C17orf113: variants seen among roughly 807,000 people sequenced by gnomAD.
The protein encoded by C17orf113 is uncharacterized protein C17orf113.
Under a neutral mutation model 11.6 loss-of-function variants are expected in C17orf113, and 5 were observed. That is an observed-to-expected ratio of 0.43 (90% confidence interval 0.23 to 0.91). The LOEUF (loss-of-function observed/expected upper bound fraction) is 0.91. Among genes scored for constraint, C17orf113 ranks in the 40% least tolerant of loss-of-function variants. The pLI is 0.26. For synonymous variants in C17orf113, 327 were observed against 390.6 expected (o/e 0.84, Z 1.92); for missense variants, 714 against 841.3 (o/e 0.85, Z 1.87).
rs1277398477 is a variant in C17orf113, at chr17:42,041,162, C to G, written c.571G>C (p.Glu191Gln). 8.9e-6 allele frequency: 11 copies of G among 1,232,334 alleles called. No homozygotes were observed. In the South Asian group the frequency reaches 3.7e-4, roughly 41 times the overall value. 76.3% of individuals were successfully genotyped at this position (1,232,334 alleles called of 1,614,324 possible). A position where few individuals can be genotyped will look rare whatever the true frequency, so the allele number is the denominator to read the frequency against. ...GATGCCTTCAGGCGCTGGCAGGCCT[C>G]TGTGTGCAAGACACTGGCAATGGCC... ...QVAIASVLHTEACQRLKASPY... is the reference protein window; with the variant it reads ...QVAIASVLHTQACQRLKASPY... Residue 191 changes from glutamate (E) to glutamine (Q), a missense_variant, in exon 3 of 3, where the codon GAG (glutamate) becomes CAG (glutamine). Around this residue, in one of 3 missense-constraint regions of C17orf113, gnomAD observed 516 missense variants for 626.6 expected, o/e 0.82. Coordinates refer to ENST00000587304, the MANE Select transcript of C17orf113 (RefSeq NM_001358661.2).
chr17:42,042,421 C>A (rs966811851), intron 2 of C17orf113, among the ~76,000 whole-genome samples: 1 of 151,908 alleles, frequency 6.6e-6, no homozygotes, highest in Non-Finnish European at 1.5e-5. Context: ...AATAGGGAGG[C>A]TGAGGCAGGA....
Position 42,043,091 on chromosome 17 carries a change from GC to G in C17orf113, c.285del (p.Gln95HisfsTer30), listed in dbSNP as rs2053064854. ...HRQALAVNQG[Q>X]PPFEGQAEGG... is the part of the protein sequence containing the mutation. Reference sequence around the variant, plus strand: ...CCTTCAGCCTGGCCCTCAAAAGGGGGCTGGCCCTGGTTGACAGCCAGAGCCT... The same window carrying G: ...CCTTCAGCCTGGCCCTCAAAAGGGGGTGGCCCTGGTTGACAGCCAGAGCCT... On this transcript the variant is annotated frameshift_variant, in exon 2 of 3. Transcript: ENST00000587304. LOFTEE classifies it high-confidence loss of function. 6 of 1,232,136 alleles carry G rather than the reference GC, an allele frequency of 4.9e-6. No individual in the cohort carries two copies. The highest frequency in any genetic ancestry group is 6.1e-6 in the Non-Finnish European group (6 of 988,020). The allele number at this position is 1,232,136 out of a possible 1,614,324, so 76.3% of individuals were successfully genotyped here.
At chr17:42,048,470 G>A (rs535276632) in intron 1 of C17orf113, among the ~76,000 whole-genome samples, 78 of 151,894 alleles carry the variant, frequency 5.1e-4, no homozygotes, top group African/African-American at 1.7e-3. Flanking sequence ...ACTTGAGCCC[G>A]AGTTTGAGAC....
rs2052981145 is a variant in C17orf113, at chr17:42,040,207, G to A, written c.1526C>T (p.Pro509Leu). 6.5e-6 allele frequency: 8 copies of A among 1,231,624 alleles called. No homozygotes were observed. The highest frequency in any genetic ancestry group is 8.1e-6 in the Non-Finnish European group (8 of 987,858). The allele number at this position is 1,231,624 out of a possible 1,614,324, so 76.3% of individuals were successfully genotyped here. ...RKGLQDSYPG[P>L]SLDAVAAFAA... ...GAAGGCGGCCACGGCGTCCAGCGAA[G>A]GCCCGGGGTAGGAGTCCTGTAGGCC... Residue 509 changes from proline to leucine, a missense_variant, in exon 3 of 3, where the codon CCT becomes CTT. Pro to Leu is a moderately conservative substitution (Grantham distance 98). Around this residue, in one of 3 missense-constraint regions of C17orf113, gnomAD observed 516 missense variants for 626.6 expected, o/e 0.82. Coordinates refer to ENST00000587304, the MANE Select transcript of C17orf113 (RefSeq NM_001358661.2).
rs1440122988 is a variant in C17orf113, at chr17:42,043,473, G to A, written c.-97C>T. 9.0e-7 allele frequency: 1 copy of A among 1,117,128 alleles called. No homozygotes were observed. The highest frequency in any genetic ancestry group is 1.1e-6 in the Non-Finnish European group (1 of 884,010). 69.2% of individuals were successfully genotyped at this position (1,117,128 alleles called of 1,614,324 possible). A position where few individuals can be genotyped will look rare whatever the true frequency, so the allele number is the denominator to read the frequency against. ...GGCACCTCCCTTGACAAGGAGAGTTGATGGGGAGGCAGGCTGGGGGCAGCC... is the reference window on the plus strand; with the variant it reads ...GGCACCTCCCTTGACAAGGAGAGTTAATGGGGAGGCAGGCTGGGGGCAGCC... On this transcript the variant is annotated 5_prime_UTR_variant, in exon 2 of 3. Coordinates refer to ENST00000587304, the MANE Select transcript of C17orf113 (RefSeq NM_001358661.2).
intron 2 of C17orf113, among the ~76,000 whole-genome samples, chr17:42,041,445 C>T (rs540944719): frequency 2.6e-5 from 4 of 152,342 alleles, no homozygotes; most frequent in East Asian, 1.9e-4. Flanking sequence ...CCACCACACC[C>T]GGTCTAGTTT....
At chr17:42,041,225 G>A (rs1401647936) in intron 2 of C17orf113, 36 bp from the exon 3 acceptor site, 3 of 1,232,136 alleles carry the variant, frequency 2.4e-6, no homozygotes, top group African/African-American at 1.5e-5. Flanking sequence ...AGGGAGGACT[G>A]AGTTAGGCTT....
chr17:42,042,788 T>C lies in C17orf113; in HGVS notation c.543+46A>G, dbSNP rs1401123543. Reference sequence around the variant, plus strand: ...GGGGCTGTTCCCAGGTGGCTCAGTGTCCTCCCTTCCCAAGCCCTTCCCCCA... The same window carrying C: ...GGGGCTGTTCCCAGGTGGCTCAGTGCCCTCCCTTCCCAAGCCCTTCCCCCA... On this transcript the variant is annotated intron_variant, in intron 2 of 2. Coordinates refer to ENST00000587304, the MANE Select transcript of C17orf113 (RefSeq NM_001358661.2). 4.9e-6 allele frequency: 6 copies of C among 1,225,720 alleles called. No homozygotes were observed. The Admixed American group carries it at 1.3e-4, about 26-fold the overall frequency. 75.9% of individuals were successfully genotyped at this position (1,225,720 alleles called of 1,614,324 possible).
At chr17:42,046,863 CTTT>C (rs782334593) in intron 1 of C17orf113, among the ~76,000 whole-genome samples, 4 of 140,650 alleles carry the variant, frequency 2.8e-5, no homozygotes, top group Non-Finnish European at 1.6e-5. Flanking sequence ...ATTTTTTTTC[CTTT>C]TTTTTTTTTT....
chr17:42,038,425 G>A lies in C17orf113; in HGVS notation c.*1280C>T. The A allele has an allele frequency of 4.5e-6, 1 of 222,508 alleles. No individual in the cohort carries two copies. The allele number at this position is 222,508 out of a possible 1,614,324, so 13.8% of individuals were successfully genotyped here. Reference sequence around the variant, plus strand: ...GGGATGTGCTCCCCAGCTCTGATGAGGCCTAAACTGCTTCCCCCAGGAGGT... The same window carrying A: ...GGGATGTGCTCCCCAGCTCTGATGAAGCCTAAACTGCTTCCCCCAGGAGGT... On this transcript the variant is annotated 3_prime_UTR_variant, in exon 3 of 3. Coordinates refer to ENST00000587304, the MANE Select transcript of C17orf113 (RefSeq NM_001358661.2).
chr17:42,048,096 C>T (rs949346265), intron 1 of C17orf113, among the ~76,000 whole-genome samples: 2 of 152,114 alleles, frequency 1.3e-5, no homozygotes, highest in African/African-American at 2.4e-5. Context: ...TCTCCTCCCC[C>T]CCTTCCCAAC....
At chr17:42,043,947 G>A (rs1382989179) in intron 1 of C17orf113, among the ~76,000 whole-genome samples, 1 of 151,880 alleles carries the variant, frequency 6.6e-6, no homozygotes, top group African/African-American at 2.4e-5. Flanking sequence ...AGTGAACCAG[G>A]ACTAAAACTC....
chr17:42,038,533 G>A lies in C17orf113; in HGVS notation c.*1172C>T, dbSNP rs1403917932. Reference sequence around the variant, plus strand: ...CAGCACTGTGGTTTTGCAGTCTTTGGTCTTAAAGGTCTGAGGCAAGGGCAG... The same window carrying A: ...CAGCACTGTGGTTTTGCAGTCTTTGATCTTAAAGGTCTGAGGCAAGGGCAG... On this transcript the variant is annotated 3_prime_UTR_variant, in exon 3 of 3. Coordinates refer to ENST00000587304, the MANE Select transcript of C17orf113 (RefSeq NM_001358661.2). The A allele has an allele frequency of 6.5e-6, 1 of 153,522 alleles. No individual in the cohort carries two copies. The highest frequency in any genetic ancestry group is 1.4e-5 in the Non-Finnish European group (1 of 69,088). The allele number at this position is 153,522 out of a possible 1,614,324, so 9.5% of individuals were successfully genotyped here.
Position 42,041,065 on chromosome 17 carries a change from G to A in C17orf113, c.668C>T (p.Thr223Ile). The A allele has an allele frequency of 8.1e-7, 1 of 1,232,344 alleles. No individual in the cohort carries two copies. Among genetic ancestry groups the A allele is most frequent in the South Asian group, 4.1e-5 (1 of 24,324 alleles). 76.3% of individuals were successfully genotyped at this position (1,232,344 alleles called of 1,614,324 possible). A position where few individuals can be genotyped will look rare whatever the true frequency, so the allele number is the denominator to read the frequency against. Residue 223 changes from threonine (T) to isoleucine (I), a missense_variant, in exon 3 of 3, where the codon ACT (threonine) becomes ATT (isoleucine). Coordinates refer to ENST00000587304, the MANE Select transcript of C17orf113 (RefSeq NM_001358661.2). ...CTGGCCATCACAGGGGGACACTGAA[G>A]TGGCAAACAGGGCCAGGCTGTGTGA... is the stretch of plus-strand genomic sequence containing the variant. ...PESHSLALFA[T>I]SVSPCDGQPA...
At position 42,050,422 on chromosome 17, in the gene C17orf113, C is replaced by G. The variant is rs1390946976; in HGVS notation, c.-188+135G>C. On this transcript the variant is annotated intron_variant, in intron 1 of 2. Coordinates refer to ENST00000587304, the MANE Select transcript of C17orf113 (RefSeq NM_001358661.2). The surrounding 1 kb of genome is among the most constrained non-coding windows in gnomAD (Gnocchi z 5.6). The stretch of plus-strand genomic sequence containing the variant: ...GGGACGGGGAGGGCTGAGGAACTTC[C>G]TCTGGGGGGCGCGCGGTGACAGAGC... 6 of 152,128 alleles carry G rather than the reference C, an allele frequency of 3.9e-5. No individual in the cohort carries two copies. Among genetic ancestry groups the G allele is most frequent in the Non-Finnish European group, 8.8e-5 (6 of 68,020 alleles). 9.4% of individuals were successfully genotyped at this position (152,128 alleles called of 1,614,324 possible).
chr17:42,045,309 C>T (rs2053135190), intron 1 of C17orf113, among the ~76,000 whole-genome samples: 1 of 152,242 alleles, frequency 6.6e-6, no homozygotes, highest in Non-Finnish European at 1.5e-5. Flanking sequence ...TCTCGGCCTC[C>T]CAAAGTGCTG....
In C17orf113 at chr17:42,039,511, G is replaced by T; in HGVS notation, c.*194C>A. 6.8e-5 allele frequency: 26 copies of T among 381,230 alleles called. No homozygotes were observed. The highest frequency in any genetic ancestry group is 8.4e-5 in the Non-Finnish European group (19 of 225,942). The allele number at this position is 381,230 out of a possible 1,614,324, so 23.6% of individuals were successfully genotyped here. On this transcript the variant is annotated 3_prime_UTR_variant, in exon 3 of 3. Transcript: ENST00000587304. ...CTGCCCACCCGCCCAGGCCCCTCTT[G>T]AGCCAGTCCCTTCCTCCACAGCCCA...
chr17:42,040,313 C>A lies in C17orf113; in HGVS notation c.1420G>T (p.Val474Leu). Residue 474 changes from valine (V) to leucine (L), a missense_variant, in exon 3 of 3, where the codon GTG (valine) becomes TTG (leucine). This residue lies in a region of C17orf113 where 516 missense variants were observed against 626.6 expected (regional missense o/e 0.82). Transcript: ENST00000587304. ...ASSGRCTYRG[V>L]ELLGYSEAAV... ...GCCTCGGAGTAACCGAGCAGCTCCA[C>A]GCCGCGGTAGGTGCAGCGTCCGCTG... 1.6e-6 allele frequency: 2 copies of A among 1,231,776 alleles called. No homozygotes were observed. The highest frequency in any genetic ancestry group is 2.0e-6 in the Non-Finnish European group (2 of 987,922). 76.3% of individuals were successfully genotyped at this position (1,231,776 alleles called of 1,614,324 possible). A position where few individuals can be genotyped will look rare whatever the true frequency, so the allele number is the denominator to read the frequency against.
At chr17:42,044,913 T>G (rs1598187787) in intron 1 of C17orf113, among the ~76,000 whole-genome samples, 1 of 120,292 alleles carries the variant, frequency 8.3e-6, no homozygotes, top group South Asian at 2.9e-4. Context: ...ACCTGCCAAC[T>G]CTACCTTTTT....
Sources: gnomAD v4.1 joint callset for allele counts (sites outside exome capture counted in the v4.1 genomes callset) on GRCh38, gnomAD v4.1.1 for gene constraint, gnomAD v4.1.1 regional missense constraint, Gnocchi (gnomAD v3.1) non-coding constraint, MANE v1.5 for transcripts, NCBI Gene and HGNC (gene_info 2026-07-23, HGNC 2026-07-21) for gene names.